Variants in TMEM131 observed in about 807,000 individuals in gnomAD.
TMEM131 encodes transmembrane protein 131.
In TMEM131, 66 loss-of-function variants were observed where a neutral mutation model predicts 211.6. That is an observed-to-expected ratio of 0.31 (90% confidence interval 0.26 to 0.38). The LOEUF (loss-of-function observed/expected upper bound fraction) is 0.38, where lower values mean the gene tolerates loss of function less well. Among genes scored for constraint, TMEM131 ranks in the 10% least tolerant of loss-of-function variants. TMEM131 has a pLI of 1.00. For synonymous variants in TMEM131, 844 were observed against 841.3 expected, an observed-to-expected ratio of 1.00 and a Z score of -0.06; for missense variants, 2,036 against 2,299.3, an observed-to-expected ratio of 0.89 and a Z score of 2.34.
intron 31 of TMEM131, among the ~76,000 whole-genome samples, chr2:97,783,446 A>G (rs1027591474): frequency 2.6e-5 from 4 of 152,160 alleles, no homozygotes; most frequent in African/African-American, 9.6e-5. Flanking sequence ...CAAAAATTCA[A>G]ACATTATCTG....
intron 31 of TMEM131, among the ~76,000 whole-genome samples, chr2:97,776,956 T>C (rs556202233): frequency 2.2e-4 from 34 of 152,294 alleles, no homozygotes; most frequent in African/African-American, 8.2e-4. Flanking sequence ...ATGTTGTGTA[T>C]ATATATGGAC....
chr2:97,947,740 G>T (rs1227201709), intron 1 of TMEM131, among the ~76,000 whole-genome samples: 1 of 152,024 alleles, frequency 6.6e-6, no homozygotes. Context: ...ATAGTAAAAA[G>T]AATTTTGAAA....
intron 36 of TMEM131, 30 bp downstream of exon 36, chr2:97,762,004 CT>C (rs1678875781): frequency 6.5e-7 from 1 of 1,527,686 alleles, no homozygotes; most frequent in Non-Finnish European, 8.7e-7. Context: ...ACATTTCAAG[CT>C]GAGAACCGGA....
At chr2:97,922,497 A>G (rs561895191) in intron 2 of TMEM131, among the ~76,000 whole-genome samples, 1 of 152,366 alleles carries the variant, frequency 6.6e-6, no homozygotes, top group Admixed American at 6.5e-5. Context: ...AATAATACAT[A>G]AATTGGGGCA....
chr2:97,796,467 A>G (rs879279820), intron 27 of TMEM131, 63 bp from the exon 28 acceptor site: 8 of 1,012,780 alleles, frequency 7.9e-6, no homozygotes, highest in Non-Finnish European at 1.1e-5. Context: ...AGTCCAAATG[A>G]TAAATACATT....
chr2:97,765,403 G>A (rs1281055367), intron 35 of TMEM131: 1 of 152,436 alleles, frequency 6.6e-6, no homozygotes, highest in African/African-American at 2.4e-5. Context: ...TGCATCTCTG[G>A]TCTTCCTGAC....
chr2:97,943,021 G>GAA (rs1208943098), intron 1 of TMEM131, among the ~76,000 whole-genome samples: 1 of 39,212 alleles, frequency 2.6e-5, no homozygotes, highest in Admixed American at 2.6e-4. Context: ...GAAAAGAAAA[G>GAA]AAAAGAAAAG....
At chr2:97,844,057 G>A (rs967653377) in intron 6 of TMEM131, 88 bp downstream of exon 6, 2 of 388,368 alleles carry the variant, frequency 5.1e-6, no homozygotes, top group Non-Finnish European at 9.4e-6. Context: ...ATTATCCTTT[G>A]AGTTCCTGAG....
chr2:97,994,409 G>C (rs190799453), intron 1 of TMEM131, among the ~76,000 whole-genome samples: 2 of 152,310 alleles, frequency 1.3e-5, no homozygotes, highest in Admixed American at 6.5e-5. Context: ...AAAAGAAACA[G>C]TATACTGAAG....
rs371872650 is a variant in TMEM131 at position 97,795,189 on chromosome 2, T to C, written c.3201-74A>G. Reference sequence around the variant, plus strand: ...AGCAGTCTGCATATAATACTGGTCCTATAAGCCTTTGAAATATAACACAGA... The same window carrying C: ...AGCAGTCTGCATATAATACTGGTCCCATAAGCCTTTGAAATATAACACAGA... On this transcript the variant is annotated intron_variant, in intron 28 of 40. Coordinates refer to ENST00000186436, the MANE Select transcript of TMEM131 (RefSeq NM_015348.2). The C allele has an allele frequency of 3.0e-4, 320 of 1,059,558 alleles. 2 individuals are homozygous for C. In the East Asian group the frequency reaches 5.8e-3, roughly 19 times the overall value. 65.6% of individuals were successfully genotyped at this position (1,059,558 alleles called of 1,614,324 possible).
chr2:97,802,435 C>T lies in TMEM131; in HGVS notation c.2644G>A (p.Val882Ile), dbSNP rs779607996. The T allele has an allele frequency of 6.2e-7, 1 of 1,600,734 alleles. No homozygotes were observed. The highest frequency in any genetic ancestry group is 8.5e-7 in the Non-Finnish European group (1 of 1,173,822). Reference protein sequence around the residue: ...SNPSVFVDKLVSRFNLSKVAK... With the variant: ...SNPSVFVDKLISRFNLSKVAK... ...ATCCCAAGCAATACTTACCTTGATA[C>T]TAACTTATCTACAAACACTGAAGGG... is the stretch of plus-strand genomic sequence containing the variant. The change falls in exon 24 of 41, where the codon GTA (valine) becomes ATA (isoleucine). Residue 882 changes from valine to isoleucine, a missense_variant. Around this residue, in one of 3 missense-constraint regions of TMEM131, gnomAD observed 1,623 missense variants for 1,805.9 expected, o/e 0.90. Transcript: ENST00000186436.
chr2:97,796,590 G>A (rs181014265), intron 27 of TMEM131, among the ~76,000 whole-genome samples, 186 bp from the exon 28 acceptor site: 2 of 152,272 alleles, frequency 1.3e-5, no homozygotes, highest in Non-Finnish European at 2.9e-5. Context: ...CATTTTAGAT[G>A]GCAAAAGTTG....
intron 31 of TMEM131, among the ~76,000 whole-genome samples, chr2:97,789,952 G>A (rs988569018): frequency 1.3e-5 from 2 of 152,156 alleles, no homozygotes; most frequent in Admixed American, 1.3e-4. Flanking sequence ...CCATCCAACC[G>A]CAGAAGGCAA....
At chr2:97,841,090 CTG>C (rs965946714) in intron 7 of TMEM131, among the ~76,000 whole-genome samples, 3 of 152,234 alleles carry the variant, frequency 2.0e-5, no homozygotes, top group South Asian at 2.1e-4. Context: ...CGAAAGAACT[CTG>C]GCACCCTGGA....
rs1214452771 is a variant in TMEM131, at chr2:97,815,320, A to G, written c.1184-13T>C. ...TTTGCCTTCGATGCTGAAAGGAAGC[A>G]TAAAAAATAATCTCTGTTACCTTTT... On this transcript the variant is annotated splice_polypyrimidine_tract_variant and intron_variant, in intron 12 of 40. Coordinates refer to ENST00000186436, the MANE Select transcript of TMEM131 (RefSeq NM_015348.2). 1.3e-6 allele frequency: 2 copies of G among 1,493,452 alleles called. No homozygotes were observed. Among genetic ancestry groups the G allele is most frequent in the East Asian group, 2.4e-5 (1 of 40,898 alleles). 92.5% of individuals were successfully genotyped at this position (1,493,452 alleles called of 1,614,324 possible).
At chr2:97,817,037 T>C (rs1573405282) in intron 12 of TMEM131, among the ~76,000 whole-genome samples, 1 of 152,198 alleles carries the variant, frequency 6.6e-6, no homozygotes, top group South Asian at 2.1e-4. Flanking sequence ...AATGTAGCAT[T>C]TGCTCTTAAA....
chr2:97,861,920 C>T (rs1256571675), intron 4 of TMEM131, among the ~76,000 whole-genome samples: 3 of 152,014 alleles, frequency 2.0e-5, no homozygotes, highest in African/African-American at 7.2e-5. Context: ...GGGCCTTGGG[C>T]GAGACTCAGT....
In TMEM131 at chr2:97,926,105, C is replaced by T. The variant is rs1319053698; in HGVS notation, c.249+1321G>A. On this transcript the variant is annotated intron_variant, in intron 2 of 40. Transcript: ENST00000186436. The stretch of plus-strand genomic sequence containing the variant: ...CCAGGCCTGGGTGACAGTGCGAGAC[C>T]CTGTCTCAAAAAAAAAAAAAAAAAT... Among the ~76,000 whole-genome samples the T allele has an allele frequency of 4.0e-5, 6 of 149,676 alleles. No homozygotes were observed. The East Asian group carries it at 1.2e-3, about 29-fold the overall frequency.
chr2:97,810,901 A>G lies in TMEM131; in HGVS notation c.1968+227T>C, dbSNP rs78149605. 1.1e-3 allele frequency among the ~76,000 whole-genome samples: 174 copies of G among 152,324 alleles called. 2 individuals are homozygous for G. The highest frequency in any genetic ancestry group is 4.0e-3 in the African/African-American group (166 of 41,582). ...AAGCAATTCTAAACGTGCTAAAGGCATTCTTCTGAAGTTGCTTTTTAGGTT... is the reference window on the plus strand; with the variant it reads ...AAGCAATTCTAAACGTGCTAAAGGCGTTCTTCTGAAGTTGCTTTTTAGGTT... On this transcript the variant is annotated intron_variant, in intron 18 of 40. Transcript: ENST00000186436.
Sources: allele counts gnomAD v4.1 joint callset (sites outside exome capture counted in the v4.1 genomes callset), GRCh38; gene constraint gnomAD v4.1.1; regional missense constraint gnomAD v4.1.1; transcripts MANE v1.5; gene names NCBI Gene and HGNC (gene_info 2026-07-23, HGNC 2026-07-21).